The following RIMKLA variants were observed in gnomAD, a reference collection of about 807,000 sequenced individuals.
RIMKLA encodes the protein N-acetylaspartylglutamate synthase A.
A neutral mutation model predicts 32.7 loss-of-function variants in RIMKLA; 14 were observed. That is an observed-to-expected ratio of 0.43 (90% CI 0.28 to 0.67). The LOEUF is 0.67. Among genes scored for constraint, RIMKLA ranks in the 30% least tolerant of loss-of-function variants. The probability of loss-of-function intolerance (pLI) is 0.18; values close to 1 mark genes in which losing one functional copy is unlikely to be tolerated. For missense variants in RIMKLA, 410 were observed against 519.0 expected (o/e 0.79, Z 2.04); for synonymous variants, 176 against 204.1 (o/e 0.86, Z 1.18).
At chr1:42,398,967 TAAAAAAAAA>T (rs543668676) in intron 1 of RIMKLA, among the ~76,000 whole-genome samples, 15 of 98,390 alleles carry the variant, frequency 1.5e-4, no homozygotes, top group Non-Finnish European at 2.4e-4. Flanking sequence ...ACCCTGTCTT[TAAAAAAAAA>T]AAAAAAAAAA....
At chr1:42,408,503 T>G (rs1643168601) in intron 3 of RIMKLA, among the ~76,000 whole-genome samples, 1 of 152,140 alleles carries the variant, frequency 6.6e-6, no homozygotes, top group South Asian at 2.1e-4. Flanking sequence ...CACCGCAACC[T>G]CTCTGCCTCC....
chr1:42,413,946 G>A (rs1381465715), intron 4 of RIMKLA, among the ~76,000 whole-genome samples: 2 of 150,734 alleles, frequency 1.3e-5, no homozygotes, highest in African/African-American at 4.9e-5. Context: ...TTGTAGAGAT[G>A]GGGTCTCACT....
At chr1:42,381,199 C>G (rs1277023828) in intron 1 of RIMKLA, 102 bp downstream of exon 1, 17 of 883,128 alleles carry the variant, frequency 1.9e-5, no homozygotes, top group East Asian at 6.7e-5. Context: ...GAGTCTCCTT[C>G]GGGCCCGCAC....
At chr1:42,381,355 C>T (rs941185661) in intron 1 of RIMKLA, among the ~76,000 whole-genome samples, 1 of 152,166 alleles carries the variant, frequency 6.6e-6, no homozygotes. Context: ...TGTGAGAAAC[C>T]CGAATTCACC....
intron 1 of RIMKLA, among the ~76,000 whole-genome samples, chr1:42,389,372 C>G (rs931691580): frequency 6.6e-6 from 1 of 152,122 alleles, no homozygotes. Flanking sequence ...AGATTGAGCT[C>G]CAGTGCTTAG....
At chr1:42,411,481 G>C (rs1295222608) in intron 4 of RIMKLA, among the ~76,000 whole-genome samples, 1 of 107,512 alleles carries the variant, frequency 9.3e-6, no homozygotes. Flanking sequence ...TCTTTTTTTT[G>C]AGACAGTCTT....
chr1:42,386,222 C>T (rs2148383247), intron 1 of RIMKLA, among the ~76,000 whole-genome samples: 1 of 152,092 alleles, frequency 6.6e-6, no homozygotes, highest in South Asian at 2.1e-4. Flanking sequence ...CGAGCCTGGC[C>T]CCTACTCCTA....
At chr1:42,412,763 A>T in intron 4 of RIMKLA, 1 of 337,810 alleles carries the variant, frequency 3.0e-6, no homozygotes, top group Non-Finnish European at 5.7e-6. Context: ...GATGCTCTTG[A>T]GAGCATCAGC....
intron 1 of RIMKLA, among the ~76,000 whole-genome samples, chr1:42,383,530 G>C (rs1361549018): frequency 6.6e-6 from 1 of 152,042 alleles, no homozygotes; most frequent in Non-Finnish European, 1.5e-5. Flanking sequence ...TTCTTCTGTA[G>C]TCAGACTATA....
chr1:42,410,571 T>A (rs1643188950), intron 4 of RIMKLA, among the ~76,000 whole-genome samples: 1 of 152,176 alleles, frequency 6.6e-6, no homozygotes, highest in African/African-American at 2.4e-5. Context: ...AAAAAAATAA[T>A]AAGAGTCTAA....
At chr1:42,408,391 T>G (rs1429700910) in intron 3 of RIMKLA, among the ~76,000 whole-genome samples, 1 of 152,206 alleles carries the variant, frequency 6.6e-6, no homozygotes. Context: ...CTTTTCAGTT[T>G]TATGTACCAC....
intron 1 of RIMKLA, among the ~76,000 whole-genome samples, chr1:42,381,391 A>T (rs773624303): frequency 1.3e-5 from 2 of 152,192 alleles, no homozygotes; most frequent in Non-Finnish European, 2.9e-5. Flanking sequence ...GTCCGAGGAA[A>T]ATCAGGCTGT....
At chr1:42,406,373 C>T (rs1016530153) in intron 3 of RIMKLA, among the ~76,000 whole-genome samples, 1 of 152,138 alleles carries the variant, frequency 6.6e-6, no homozygotes, top group Admixed American at 6.5e-5. Flanking sequence ...TAGTTAGTCC[C>T]GATTGCCTCT....
At chr1:42,391,328 C>T (rs554511073) in intron 1 of RIMKLA, among the ~76,000 whole-genome samples, 31 of 152,174 alleles carry the variant, frequency 2.0e-4, no homozygotes, top group Middle Eastern at 3.4e-3. Context: ...GCTCTGTAGA[C>T]GACTTGCACA....
chr1:42,380,952 G>T lies in RIMKLA; in HGVS notation c.18G>T (p.Trp6Cys). ...TGGCCGCCATGTGCTCCCAGCTCTG[G>T]TTCCTGACGGACCGGCGCATCCGCG... MCSQL[W>C]FLTDRRIRED... The change falls in exon 1 of 5, where the codon TGG becomes TGT. Residue 6 changes from tryptophan to cysteine, a missense_variant. Trp to Cys is a radical substitution (Grantham distance 215). Coordinates refer to ENST00000431473, the MANE Select transcript of RIMKLA (RefSeq NM_173642.4). 6.9e-7 allele frequency: 1 copy of T among 1,448,580 alleles called. No individual in the cohort carries two copies. The highest frequency in any genetic ancestry group is 9.1e-7 in the Non-Finnish European group (1 of 1,101,232). The allele number at this position is 1,448,580 out of a possible 1,614,324, so 89.7% of individuals were successfully genotyped here.
chr1:42,389,972 G>GA (rs1642986472), intron 1 of RIMKLA, among the ~76,000 whole-genome samples: 2 of 151,186 alleles, frequency 1.3e-5, no homozygotes, highest in African/African-American at 2.4e-5. Context: ...AAGGGAAGGT[G>GA]AAAAACAGGA....
intron 1 of RIMKLA, among the ~76,000 whole-genome samples, chr1:42,398,917 A>G (rs1292047298): frequency 6.7e-6 from 1 of 149,510 alleles, no homozygotes; most frequent in Non-Finnish European, 1.5e-5. Context: ...CAGTGAGCCA[A>G]GATGATGCCA....
chr1:42,392,320 C>T (rs935044562), intron 1 of RIMKLA, among the ~76,000 whole-genome samples: 1 of 151,716 alleles, frequency 6.6e-6, no homozygotes, highest in Admixed American at 6.6e-5. Context: ...TCTCCCTCCC[C>T]CTGCTCAACA....
Position 42,414,788 on chromosome 1 carries a change from T to C in RIMKLA, c.990T>C (p.Ala330=). The change falls in exon 5 of 5, where the codon GCT becomes GCC. Residue 330 remains alanine, a synonymous_variant. Coordinates refer to ENST00000431473, the MANE Select transcript of RIMKLA (RefSeq NM_173642.4). ...AGAAGAACGAGCCGGATGGCTGTGC[T>C]TCAGCTCAGGGAGTTGCAGAGAGCG... ...PREKNEPDGC[A]SAQGVAESVY... 1.2e-6 allele frequency: 2 copies of C among 1,614,202 alleles called. No homozygotes were observed. Among genetic ancestry groups the C allele is most frequent in the African/African-American group, 2.7e-5 (2 of 75,060 alleles).
Sources: allele counts gnomAD v4.1 joint callset (sites outside exome capture counted in the v4.1 genomes callset), GRCh38; gene constraint gnomAD v4.1.1; transcripts MANE v1.5; gene names NCBI Gene and HGNC (gene_info 2026-07-23, HGNC 2026-07-21).